The following BTAF1 variants were observed in gnomAD, a reference collection of about 807,000 sequenced individuals.
BTAF1 encodes TATA-binding protein-associated factor 172.
A neutral mutation model predicts 227.1 loss-of-function variants in BTAF1; 38 were observed. The observed-to-expected ratio is 0.17, with a 90% CI of 0.13 to 0.22. The LOEUF (loss-of-function observed/expected upper bound fraction) is 0.22. Among genes scored for constraint, BTAF1 ranks in the 10% least tolerant of loss-of-function variants. The probability of loss-of-function intolerance (pLI) is 1.00; values close to 1 mark genes in which losing one functional copy is unlikely to be tolerated. For synonymous variants in BTAF1, 742 were observed against 751.9 expected, an observed-to-expected ratio of 0.99 and a Z score of 0.21; for missense variants, 1,598 against 2,204.0, an observed-to-expected ratio of 0.73 and a Z score of 5.51.
chr10:91,944,081 G>T (rs780443910), intron 4 of BTAF1, among the ~76,000 whole-genome samples: 5 of 152,056 alleles, frequency 3.3e-5, no homozygotes, highest in Admixed American at 6.6e-5. Context: ...AACCCGGGAG[G>T]CGGAGGTTGC....
intron 9 of BTAF1, 185 bp downstream of exon 9, chr10:91,959,339 G>A: frequency 7.9e-7 from 1 of 1,272,194 alleles, no homozygotes; most frequent in South Asian, 1.7e-5. Flanking sequence ...GGCTAGTTGA[G>A]AGGTCAGTGA....
chr10:91,970,499 G>C (rs1383635898), intron 14 of BTAF1, among the ~76,000 whole-genome samples: 2 of 152,188 alleles, frequency 1.3e-5, no homozygotes, highest in African/African-American at 4.8e-5. Flanking sequence ...GGCAAAGACA[G>C]AGCTTGTGCA....
intron 14 of BTAF1, among the ~76,000 whole-genome samples, chr10:91,975,357 A>T (rs1339185892): frequency 6.6e-6 from 1 of 152,258 alleles, no homozygotes; most frequent in Admixed American, 6.5e-5. Context: ...GAATAGCCTG[A>T]ACTAAGACTT....
At chr10:91,945,231 A>C (rs1845285665) in intron 4 of BTAF1, among the ~76,000 whole-genome samples, 1 of 152,142 alleles carries the variant, frequency 6.6e-6, no homozygotes, top group Non-Finnish European at 1.5e-5. Flanking sequence ...AGCGTATATC[A>C]GTACTTTTTT....
intron 22 of BTAF1, among the ~76,000 whole-genome samples, chr10:91,994,048 T>A (rs1848982203): frequency 6.6e-6 from 1 of 152,198 alleles, no homozygotes; most frequent in Non-Finnish European, 1.5e-5. Context: ...GCATGGTGGC[T>A]CATGCCTGTA....
chr10:91,927,172 C>G (rs1843907572), intron 1 of BTAF1, among the ~76,000 whole-genome samples: 1 of 148,662 alleles, frequency 6.7e-6, no homozygotes, highest in African/African-American at 2.5e-5. Context: ...GAGTTTTGCT[C>G]TTGTTGCCCA....
At chr10:91,984,072 G>T in intron 18 of BTAF1, 129 bp from the exon 19 acceptor site, 1 of 781,106 alleles carries the variant, frequency 1.3e-6, no homozygotes, top group Non-Finnish European at 2.0e-6. Flanking sequence ...ACTGTTGTTT[G>T]GAGAAGTAAC....
chr10:92,011,010 A>G (rs1427398226), intron 28 of BTAF1, 63 bp from the exon 29 acceptor site: 52 of 1,199,460 alleles, frequency 4.3e-5, no homozygotes, highest in Non-Finnish European at 3.9e-5. Flanking sequence ...CTTTATACAA[A>G]TGGTAGCTAT....
chr10:91,926,402 C>T (rs1287905346), intron 1 of BTAF1, among the ~76,000 whole-genome samples: 1 of 152,164 alleles, frequency 6.6e-6, no homozygotes, highest in Non-Finnish European at 1.5e-5. Flanking sequence ...ATTGTCTGGT[C>T]AAGAAATTTG....
At chr10:91,986,566 G>T (rs1027487832) in intron 19 of BTAF1, among the ~76,000 whole-genome samples, 1 of 151,828 alleles carries the variant, frequency 6.6e-6, no homozygotes, top group East Asian at 1.9e-4. Context: ...TTCCCCCTGG[G>T]TTCTCTTCTT....
Position 91,996,531 on chromosome 10 carries a change from G to T in BTAF1, c.3472G>T (p.Asp1158Tyr). ...TCTTCCGTGGCTGGGAGCAATTGAT[G>T]ACAGTGTCAAACAAGAGGGTGCAAT... is the stretch of plus-strand genomic sequence containing the variant. ...KVLPWLGAID[D>Y]SVKQEGAIEA... Residue 1158 changes from aspartate to tyrosine, a missense_variant, in exon 24 of 38, where the codon GAC becomes TAC. This residue lies in a region of BTAF1 where 425 missense variants were observed against 491.2 expected (regional missense o/e 0.87). Transcript: ENST00000265990. The T allele has an allele frequency of 6.2e-7, 1 of 1,614,118 alleles. No individual in the cohort carries two copies.
At chr10:92,019,896 T>TG (rs1383707385) in intron 34 of BTAF1, among the ~76,000 whole-genome samples, 3 of 150,816 alleles carry the variant, frequency 2.0e-5, no homozygotes, top group Admixed American at 2.0e-4. Context: ...TTGCTGTTTT[T>TG]TTTTTTTTTT....
At chr10:91,928,424 T>G (rs1202987697) in intron 1 of BTAF1, among the ~76,000 whole-genome samples, 1 of 152,106 alleles carries the variant, frequency 6.6e-6, no homozygotes, top group Non-Finnish European at 1.5e-5. Flanking sequence ...TTTTAAACCC[T>G]TAGTAAAAGA....
intron 25 of BTAF1, 39 bp from the exon 26 acceptor site, chr10:92,008,084 A>T: frequency 6.6e-7 from 1 of 1,508,528 alleles, no homozygotes; most frequent in Non-Finnish European, 8.9e-7. Context: ...GAAAACTGTG[A>T]GTACGTAGTT....
At chr10:91,933,667 T>C (rs563450672) in intron 1 of BTAF1, among the ~76,000 whole-genome samples, 1 of 152,314 alleles carries the variant, frequency 6.6e-6, no homozygotes, top group South Asian at 2.1e-4. Context: ...TAAGAGTTCA[T>C]TGGTGACCTT....
intron 34 of BTAF1, among the ~76,000 whole-genome samples, chr10:92,020,979 T>TA (rs1203854261): frequency 2.0e-5 from 3 of 152,194 alleles, no homozygotes; most frequent in Admixed American, 2.0e-4. Flanking sequence ...GTCTGCAACT[T>TA]AAAGAGGCCC....
At chr10:91,959,760 A>C in intron 9 of BTAF1, 25 bp from the exon 10 acceptor site, 1 of 558,894 alleles carries the variant, frequency 1.8e-6, no homozygotes, top group Non-Finnish European at 2.8e-6. Context: ...ATATATATAT[A>C]TATATATATA....
intron 3 of BTAF1, among the ~76,000 whole-genome samples, chr10:91,940,775 C>T (rs539480646): frequency 6.6e-6 from 1 of 152,220 alleles, no homozygotes; most frequent in East Asian, 1.9e-4. Flanking sequence ...GCTTCCGCCT[C>T]CTGGGTTCAA....
intron 4 of BTAF1, among the ~76,000 whole-genome samples, chr10:91,949,716 T>A (rs184309719): frequency 3.9e-4 from 59 of 152,344 alleles, no homozygotes; most frequent in East Asian, 2.1e-3. Context: ...AGATTTGGGC[T>A]GAGTTTACAG....
Sources: gnomAD v4.1 joint callset for allele counts (sites outside exome capture counted in the v4.1 genomes callset) on GRCh38, gnomAD v4.1.1 for gene constraint, gnomAD v4.1.1 regional missense constraint, MANE v1.5 for transcripts, NCBI Gene and HGNC (gene_info 2026-07-23, HGNC 2026-07-21) for gene names.